Variants in LRIG1 observed in about 807,000 individuals in gnomAD.
LRIG1 encodes leucine rich repeats and immunoglobulin like domains 1, also known as leucine-rich repeats and immunoglobulin-like domains protein 1.
A neutral mutation model predicts 99.2 loss-of-function variants in LRIG1; 48 were observed. That is an observed-to-expected ratio of 0.48 (90% CI 0.38 to 0.62). The LOEUF (loss-of-function observed/expected upper bound fraction) is 0.62, where lower values mean the gene tolerates loss of function less well. LRIG1 is among the 20% of genes least tolerant of loss of function. LRIG1 has a pLI of 0.00. For synonymous variants in LRIG1, 772 were observed against 596.1 expected, an observed-to-expected ratio of 1.29 and a Z score of -4.30; for missense variants, 1,646 against 1,434.4, an observed-to-expected ratio of 1.15 and a Z score of -2.38.
intron 8 of LRIG1, 44 bp downstream of exon 8, chr3:66,407,303 TC>T (rs1559782299): frequency 1.2e-6 from 2 of 1,609,236 alleles, no homozygotes; most frequent in Admixed American, 3.3e-5. Context: ...TATTCTGCTC[TC>T]CCCACTGGGG....
intron 15 of LRIG1, 60 bp downstream of exon 15, chr3:66,382,922 T>TC: frequency 1.3e-6 from 2 of 1,500,408 alleles, no homozygotes. Flanking sequence ...CCGGCCCAGT[T>TC]CCCCAGCATC....
At chr3:66,482,383 C>T (rs1466020843) in intron 1 of LRIG1, among the ~76,000 whole-genome samples, 1 of 152,128 alleles carries the variant, frequency 6.6e-6, no homozygotes, top group Non-Finnish European at 1.5e-5. Context: ...TGAGCATCAA[C>T]AAAGGAAGGA....
chr3:66,489,215 G>C (rs1324033300), intron 1 of LRIG1, among the ~76,000 whole-genome samples: 1 of 152,124 alleles, frequency 6.6e-6, no homozygotes, highest in African/African-American at 2.4e-5. Context: ...ATCCATCTGA[G>C]AATTTCACTC....
rs751174655 is a variant in LRIG1 at position 66,413,042 on chromosome 3, A to G, written c.648-28T>C. 29 of 1,613,920 alleles carry G rather than the reference A, an allele frequency of 1.8e-5. 1 individual carries two copies. In the South Asian group the frequency reaches 3.2e-4, roughly 18 times the overall value. ...AAAGAGATGAAGCCAGCAGGGTCAG[A>G]GTGTCTTATGTGCATATCCCACCCA... On this transcript the variant is annotated intron_variant, in intron 5 of 18. Transcript: ENST00000273261.
At chr3:66,461,694 A>T (rs1417515978) in intron 2 of LRIG1, among the ~76,000 whole-genome samples, 3 of 152,204 alleles carry the variant, frequency 2.0e-5, no homozygotes, top group African/African-American at 4.8e-5. Flanking sequence ...TACAATATGT[A>T]TACTACATAT....
intron 9 of LRIG1, chr3:66,404,567 G>C (rs981263767): frequency 4.0e-6 from 1 of 249,196 alleles, no homozygotes; most frequent in East Asian, 1.8e-4. Flanking sequence ...TGTAGTTTTG[G>C]GCGAAATCCC....
chr3:66,394,786 A>G (rs1335590182), intron 11 of LRIG1, among the ~76,000 whole-genome samples: 1 of 151,996 alleles, frequency 6.6e-6, no homozygotes, highest in Non-Finnish European at 1.5e-5. Flanking sequence ...TTACTTCCAA[A>G]TGTAATAAGC....
At chr3:66,397,087 C>T (rs1701878418) in intron 11 of LRIG1, among the ~76,000 whole-genome samples, 1 of 152,246 alleles carries the variant, frequency 6.6e-6, no homozygotes, top group Admixed American at 6.5e-5. Context: ...GACACCCGCT[C>T]CAAGATCCAA....
chr3:66,475,993 G>A lies in LRIG1; in HGVS notation c.219-13484C>T, dbSNP rs140727461. Among the ~76,000 whole-genome samples, 194 of 152,236 alleles carry A rather than the reference G, an allele frequency of 1.3e-3. 3 individuals carry two copies. The highest frequency in any genetic ancestry group is 4.6e-3 in the African/African-American group (191 of 41,534). ...TCTTTTCTTCCATTTCCATACACAGGGGGCTGGCTGCAGGACCCATGGTCT... is the reference window on the plus strand; with the variant it reads ...TCTTTTCTTCCATTTCCATACACAGAGGGCTGGCTGCAGGACCCATGGTCT... On this transcript the variant is annotated intron_variant, in intron 1 of 18. Transcript: ENST00000273261.
intron 1 of LRIG1, among the ~76,000 whole-genome samples, chr3:66,494,383 T>G (rs1197152709): frequency 6.6e-6 from 1 of 152,160 alleles, no homozygotes; most frequent in Non-Finnish European, 1.5e-5. Context: ...CCCTGCATAT[T>G]TAACACAGTA....
intron 3 of LRIG1, among the ~76,000 whole-genome samples, chr3:66,440,765 T>C (rs1010177712): frequency 1.3e-5 from 2 of 152,200 alleles, no homozygotes; most frequent in African/African-American, 2.4e-5. Flanking sequence ...TGAGGACACA[T>C]ACTGTTTAGT....
intron 3 of LRIG1, among the ~76,000 whole-genome samples, chr3:66,424,894 T>C (rs1456958760): frequency 1.3e-5 from 2 of 152,248 alleles, no homozygotes; most frequent in African/African-American, 2.4e-5. Flanking sequence ...TTGTGTTAGA[T>C]GATTCTGCCC....
chr3:66,439,113 A>T (rs559957336), intron 3 of LRIG1, among the ~76,000 whole-genome samples: 1 of 152,324 alleles, frequency 6.6e-6, no homozygotes, highest in East Asian at 1.9e-4. Context: ...GCCCGTGAGG[A>T]AAGCCAGGTG....
intron 1 of LRIG1, among the ~76,000 whole-genome samples, chr3:66,497,016 C>G (rs1416527327): frequency 6.6e-6 from 1 of 152,216 alleles, no homozygotes; most frequent in Non-Finnish European, 1.5e-5. Flanking sequence ...GCTAACTGAT[C>G]TGGTATTGCA....
chr3:66,489,519 GTGTGTA>G (rs1250387589), intron 1 of LRIG1, among the ~76,000 whole-genome samples: 31 of 28,132 alleles, frequency 1.1e-3, no homozygotes, highest in Non-Finnish European at 3.2e-3. Context: ...GGGACCCTTT[GTGTGTA>G]TGTGTGTGTG....
At chr3:66,441,700 A>G (rs2106778718) in intron 3 of LRIG1, among the ~76,000 whole-genome samples, 2 of 152,322 alleles carry the variant, frequency 1.3e-5, no homozygotes, top group East Asian at 3.9e-4. Context: ...TCTGGGCCAC[A>G]ATACCAAGGC....
At chr3:66,416,684 C>A (rs761023479) in intron 4 of LRIG1, among the ~76,000 whole-genome samples, 1 of 152,154 alleles carries the variant, frequency 6.6e-6, no homozygotes, top group African/African-American at 2.4e-5. Flanking sequence ...TTTTACAGTG[C>A]ATGACACTAG....
intron 3 of LRIG1, among the ~76,000 whole-genome samples, chr3:66,434,275 A>C (rs1425826166): frequency 1.3e-5 from 2 of 152,210 alleles, no homozygotes; most frequent in African/African-American, 4.8e-5. Flanking sequence ...AAAAACAACC[A>C]AAAAATCCAA....
intron 3 of LRIG1, among the ~76,000 whole-genome samples, chr3:66,444,314 C>T (rs1180713658): frequency 6.6e-6 from 1 of 152,188 alleles, no homozygotes; most frequent in African/African-American, 2.4e-5. Context: ...CAGTCATGGG[C>T]CTCCAACCCT....
Sources: gnomAD v4.1 joint callset for allele counts (sites outside exome capture counted in the v4.1 genomes callset) on GRCh38, gnomAD v4.1.1 for gene constraint, MANE v1.5 for transcripts, NCBI Gene and HGNC (gene_info 2026-07-23, HGNC 2026-07-21) for gene names.